The following KRT20 variants were observed in gnomAD, a reference collection of about 807,000 sequenced individuals.
The protein encoded by KRT20 is keratin, type I cytoskeletal 20.
A neutral mutation model predicts 43.0 loss-of-function variants in KRT20; 41 were observed. The ratio of observed to expected loss-of-function variants is 0.95; its 90% CI spans 0.74 to 1.24. The LOEUF (loss-of-function observed/expected upper bound fraction) is 1.24, where lower values mean the gene tolerates loss of function less well. Ranked by LOEUF, KRT20 falls within the 50% of genes most tolerant of loss-of-function variation. The probability of loss-of-function intolerance (pLI) is 0.00; values close to 1 mark genes in which losing one functional copy is unlikely to be tolerated. For missense variants in KRT20, 533 were observed against 521.2 expected (o/e 1.02, Z -0.22); for synonymous variants, 207 against 200.6 (o/e 1.03, Z -0.27).
chr17:40,879,780 T>C (rs776630129), intron 5 of KRT20, 33 bp downstream of exon 5: 3 of 1,611,538 alleles, frequency 1.9e-6, no homozygotes, highest in South Asian at 1.1e-5. Context: ...AAACACATAC[T>C]AGATTGAGAA....
intron 5 of KRT20, among the ~76,000 whole-genome samples, chr17:40,879,115 C>A (rs1237594822): frequency 1.3e-5 from 2 of 152,212 alleles, no homozygotes; most frequent in Non-Finnish European, 2.9e-5. Context: ...AGTGGACCAA[C>A]CATTGCTCTT....
At chr17:40,880,360 G>A in intron 3 of KRT20, 99 bp from the exon 4 acceptor site, 2 of 1,136,334 alleles carry the variant, frequency 1.8e-6, no homozygotes, top group South Asian at 3.2e-5. Flanking sequence ...TCTTTCATTG[G>A]GAATAAGTAA....
intron 1 of KRT20, among the ~76,000 whole-genome samples, chr17:40,883,231 A>C (rs781347078): frequency 2.6e-5 from 4 of 152,222 alleles, no homozygotes; most frequent in Non-Finnish European, 4.4e-5. Flanking sequence ...AGGATAATTT[A>C]ACTCAACTTG....
At chr17:40,878,642 G>A (rs1001717561) in intron 5 of KRT20, among the ~76,000 whole-genome samples, 45 of 152,116 alleles carry the variant, frequency 3.0e-4, no homozygotes, top group Admixed American at 2.9e-3. Flanking sequence ...TCCCCACTGT[G>A]TGAAGATGTT....
chr17:40,880,872 A>G (rs1413336254), intron 2 of KRT20, 102 bp from the exon 3 acceptor site: 1 of 838,508 alleles, frequency 1.2e-6, no homozygotes, highest in African/African-American at 1.7e-5. Flanking sequence ...GCTTATGAGG[A>G]GATCAATTTC....
At chr17:40,880,828 G>T in intron 2 of KRT20, 58 bp from the exon 3 acceptor site, 2 of 1,317,316 alleles carry the variant, frequency 1.5e-6, no homozygotes, top group Non-Finnish European at 1.0e-6. Flanking sequence ...TATAAGGAGA[G>T]AATCTAATAT....
At position 40,876,130 on chromosome 17, in the gene KRT20, A is replaced by G; in HGVS notation, c.*231T>C. On this transcript the variant is annotated 3_prime_UTR_variant, in exon 8 of 8. Coordinates refer to ENST00000167588, the MANE Select transcript of KRT20 (RefSeq NM_019010.3). ...AGATGGCAGTAATGATGTTTTAAAT[A>G]TTCTAGTGCTCACTGGATTTCATTT... 1 of 415,208 alleles carries G rather than the reference A, an allele frequency of 2.4e-6. No individual in the cohort carries two copies. 25.7% of individuals were successfully genotyped at this position (415,208 alleles called of 1,614,324 possible). A position where few individuals can be genotyped will look rare whatever the true frequency, so the allele number is the denominator to read the frequency against.
chr17:40,882,313 T>A (rs559163211), intron 2 of KRT20: 2 of 207,026 alleles, frequency 9.7e-6, no homozygotes, highest in South Asian at 1.9e-4. Context: ...TAAAAAAAAA[T>A]TTAGCAACCA....
At position 40,878,158 on chromosome 17, in the gene KRT20, C is replaced by T. The variant is rs1308282676; in HGVS notation, c.1126G>A (p.Gly376Arg). 2.5e-6 allele frequency: 4 copies of T among 1,613,840 alleles called. No homozygotes were observed. The highest frequency in any genetic ancestry group is 3.4e-6 in the Non-Finnish European group (4 of 1,179,792). The change falls in exon 6 of 8, where the codon GGA (glycine) becomes AGA (arginine). Residue 376 changes from glycine (G) to arginine (R), a missense_variant. Physicochemically the swap from Gly to Arg is moderately radical, Grantham distance 125. Transcript: ENST00000167588. The stretch of plus-strand genomic sequence containing the variant: ...TAAGAGCCTTACTTTACGTCTTCTC[C>T]TTCCAGAAGGCGGCGGTAAGTAGCA... Reference protein sequence around the residue: ...EIATYRRLLEGEDVKTTEYQL... With the variant: ...EIATYRRLLEREDVKTTEYQL...
intron 7 of KRT20, among the ~76,000 whole-genome samples, chr17:40,876,830 T>A (rs1220882780): frequency 6.6e-6 from 1 of 152,208 alleles, no homozygotes; most frequent in East Asian, 1.9e-4. Context: ...AGGGTTTCTT[T>A]ATGCCATGTA....
Position 40,880,219 on chromosome 17 carries a change from C to T in KRT20, c.673G>A (p.Val225Met). 3 of 1,613,760 alleles carry T rather than the reference C, an allele frequency of 1.9e-6. No individual in the cohort carries two copies. The highest frequency in any genetic ancestry group is 8.5e-7 in the Non-Finnish European group (1 of 1,179,860). Residue 225 changes from valine (V) to methionine (M), a missense_variant, in exon 4 of 8, where the codon GTG becomes ATG. Transcript: ENST00000167588. ...LHKHLGNTVN[V>M]EVDAAPGLNL... ...AGGCCTGGAGCAGCATCAACCTCCA[C>T]ATTGACAGTGTTGCCCAGATGCTTG...
At position 40,880,781 on chromosome 17, in the gene KRT20, A is replaced by C. The variant is rs1347624035; in HGVS notation, c.474-11T>G. On this transcript the variant is annotated splice_polypyrimidine_tract_variant and intron_variant, in intron 2 of 7. Transcript: ENST00000167588. ...CTCTCAGTCTCATACCTGTGAATTA[A>C]TTAGTGTACAGAGATAACTGGTCCT... is the stretch of plus-strand genomic sequence containing the variant. 2.0e-6 allele frequency: 3 copies of C among 1,513,908 alleles called. No homozygotes were observed. In the African/African-American group the frequency reaches 4.2e-5, roughly 21 times the overall value. 93.8% of individuals were successfully genotyped at this position (1,513,908 alleles called of 1,614,324 possible).
intron 6 of KRT20, among the ~76,000 whole-genome samples, chr17:40,877,636 A>G (rs1907404707): frequency 6.6e-6 from 1 of 152,154 alleles, no homozygotes; most frequent in African/African-American, 2.4e-5. Context: ...CCAGTTTAAT[A>G]TATGCTAAGA....
At position 40,879,946 on chromosome 17, in the gene KRT20, G is replaced by A. The variant is rs753389453; in HGVS notation, c.793-8C>T. ...TTGCTGCAGAACTGCAGTCTACAGTGCCAAGAGTGAAAAAAAAATAGTTGA... is the reference window on the plus strand; with the variant it reads ...TTGCTGCAGAACTGCAGTCTACAGTACCAAGAGTGAAAAAAAAATAGTTGA... On this transcript the variant is annotated splice_region_variant and splice_polypyrimidine_tract_variant and intron_variant, in intron 4 of 7. Transcript: ENST00000167588. 5 of 1,610,450 alleles carry A rather than the reference G, an allele frequency of 3.1e-6. No individual in the cohort carries two copies. Among genetic ancestry groups the A allele is most frequent in the Non-Finnish European group, 4.2e-6 (5 of 1,178,272 alleles).
rs762401319 is a variant in KRT20 at position 40,878,373 on chromosome 17, C to T, written c.919-8G>A. ...GTGCTCCAAAGACTCTTTCTATGAG[C>T]ACAAGAAAAATAGGGCACTTCTTAT... On this transcript the variant is annotated splice_polypyrimidine_tract_variant and splice_region_variant and intron_variant, in intron 5 of 7. Coordinates refer to ENST00000167588, the MANE Select transcript of KRT20 (RefSeq NM_019010.3). 1.4e-5 allele frequency: 23 copies of T among 1,604,660 alleles called. No homozygotes were observed. The highest frequency in any genetic ancestry group is 2.7e-5 in the African/African-American group (2 of 74,484).
At position 40,876,857 on chromosome 17, in the gene KRT20, C is replaced by G. The variant is rs969920855; in HGVS notation, c.1178-399G>C. On this transcript the variant is annotated intron_variant, in intron 7 of 7. Coordinates refer to ENST00000167588, the MANE Select transcript of KRT20 (RefSeq NM_019010.3). ...TGCCATGTACAAGATTTTTAGAATC[C>G]CTGGTGTCATATCTGCTCCCTTGAG... Among the ~76,000 whole-genome samples the G allele has an allele frequency of 1.9e-4, 29 of 152,154 alleles. No homozygotes were observed. In the East Asian group the frequency reaches 5.0e-3, roughly 26 times the overall value.
chr17:40,884,913 C>T lies in KRT20; in HGVS notation c.273G>A (p.Leu91=). 1 of 1,614,240 alleles carries T rather than the reference C, an allele frequency of 6.2e-7. No individual in the cohort carries two copies. Among genetic ancestry groups the T allele is most frequent in the Non-Finnish European group, 8.5e-7 (1 of 1,180,046 alleles). The change falls in exon 1 of 8, where the codon CTG becomes CTA. Residue 91 remains leucine, a synonymous_variant. Coordinates refer to ENST00000167588, the MANE Select transcript of KRT20 (RefSeq NM_019010.3). ...CTTCAAGTTTGGAGTTGGACTGCTC[C>T]AGGGTCCGCACCTTTTCTAGGTAGC... ...LASYLEKVRT[L]EQSNSKLEVQ...
intron 5 of KRT20, among the ~76,000 whole-genome samples, chr17:40,879,092 T>A (rs1415233954): frequency 1.3e-5 from 2 of 152,204 alleles, no homozygotes; most frequent in East Asian, 3.9e-4. Context: ...AGGAGAAGCT[T>A]TAAGAGCTAT....
chr17:40,877,266 G>T, intron 7 of KRT20, 114 bp downstream of exon 7: 1 of 732,010 alleles, frequency 1.4e-6, no homozygotes, highest in Non-Finnish European at 2.3e-6. Context: ...CAGGTATTCT[G>T]TCACAGCAGC....
Sources: gnomAD v4.1 joint callset for allele counts (sites outside exome capture counted in the v4.1 genomes callset) on GRCh38, gnomAD v4.1.1 for gene constraint, MANE v1.5 for transcripts, NCBI Gene and HGNC (gene_info 2026-07-23, HGNC 2026-07-21) for gene names.